Variants in GPC5 observed in about 807,000 individuals in gnomAD.
The protein encoded by GPC5 is glypican 5.
In GPC5, 47 loss-of-function variants were observed where a neutral mutation model predicts 53.9. The ratio of observed to expected loss-of-function variants is 0.87; its 90% CI spans 0.69 to 1.11. GPC5 has a LOEUF of 1.11. Ranked by LOEUF, GPC5 falls within the 50% of genes most tolerant of loss-of-function variation. The pLI is 0.00. For synonymous variants in GPC5, 286 were observed against 263.3 expected (o/e 1.09, Z -0.84); for missense variants, 748 against 713.1 (o/e 1.05, Z -0.56).
chr13:92,008,474 T>C (rs998791483), intron 6 of GPC5, among the ~76,000 whole-genome samples: 1 of 151,048 alleles, frequency 6.6e-6, no homozygotes, highest in Non-Finnish European at 1.5e-5. Flanking sequence ...AGCATCTCTT[T>C]ATGGGTTTTT....
chr13:92,042,101 G>A (rs1032813081), intron 6 of GPC5, among the ~76,000 whole-genome samples: 2 of 152,132 alleles, frequency 1.3e-5, no homozygotes, highest in Non-Finnish European at 2.9e-5. Context: ...AGTCCTGATG[G>A]CGCCTCCCCT....
At chr13:92,247,851 A>G (rs1199604681) in intron 7 of GPC5, among the ~76,000 whole-genome samples, 4 of 152,152 alleles carry the variant, frequency 2.6e-5, no homozygotes, top group African/African-American at 9.6e-5. Context: ...AACAATATGG[A>G]AGCAGCATTG....
chr13:92,026,709 T>C (rs2040803773), intron 6 of GPC5, among the ~76,000 whole-genome samples: 1 of 152,106 alleles, frequency 6.6e-6, no homozygotes, highest in Admixed American at 6.6e-5. Context: ...CTTATCAGGA[T>C]TAATGAAAAA....
chr13:92,155,623 T>TA (rs1402079451), intron 7 of GPC5, among the ~76,000 whole-genome samples: 1 of 152,192 alleles, frequency 6.6e-6, no homozygotes, highest in East Asian at 1.9e-4. Flanking sequence ...TTTTTGATCT[T>TA]CGCTCAAATT....
At chr13:91,961,886 A>G (rs1214285990) in intron 6 of GPC5, among the ~76,000 whole-genome samples, 1 of 152,096 alleles carries the variant, frequency 6.6e-6, no homozygotes, top group Admixed American at 6.6e-5. Flanking sequence ...TCTGATATGC[A>G]AGTTATATGC....
intron 6 of GPC5, among the ~76,000 whole-genome samples, chr13:92,104,503 C>T (rs1365325268): frequency 6.6e-6 from 1 of 152,158 alleles, no homozygotes; most frequent in African/African-American, 2.4e-5. Flanking sequence ...TCTCAAGAGG[C>T]TCTCTATGTA....
chr13:92,280,963 G>C (rs939455083), intron 7 of GPC5, among the ~76,000 whole-genome samples: 3 of 152,212 alleles, frequency 2.0e-5, no homozygotes, highest in Non-Finnish European at 4.4e-5. Flanking sequence ...GCCTCACCCA[G>C]GAAGTGCGAG....
chr13:92,562,982 A>G (rs1013306768), intron 7 of GPC5, among the ~76,000 whole-genome samples: 1 of 151,990 alleles, frequency 6.6e-6, no homozygotes, highest in African/African-American at 2.4e-5. Flanking sequence ...CTGATGACCA[A>G]CTCAATAGTA....
At chr13:91,716,428 G>T (rs985563698) in intron 3 of GPC5, among the ~76,000 whole-genome samples, 2 of 152,068 alleles carry the variant, frequency 1.3e-5, no homozygotes, top group Non-Finnish European at 2.9e-5. Context: ...TTGATACTGT[G>T]AATATTTAAA....
chr13:92,348,725 TTC>T (rs1442292062), intron 7 of GPC5, among the ~76,000 whole-genome samples: 1 of 152,126 alleles, frequency 6.6e-6, no homozygotes, highest in African/African-American at 2.4e-5. Flanking sequence ...AGCAAGAATC[TTC>T]TCTGACCCAC....
chr13:92,162,356 C>T (rs1166949318), intron 7 of GPC5, among the ~76,000 whole-genome samples: 1 of 152,016 alleles, frequency 6.6e-6, no homozygotes, highest in Non-Finnish European at 1.5e-5. Context: ...TGCTAGTCAC[C>T]ATACAGATTT....
intron 5 of GPC5, among the ~76,000 whole-genome samples, chr13:91,823,104 G>C (rs1237606730): frequency 6.6e-6 from 1 of 152,070 alleles, no homozygotes; most frequent in Non-Finnish European, 1.5e-5. Flanking sequence ...GAAGGAAAAG[G>C]TTGAACCAAT....
intron 5 of GPC5, among the ~76,000 whole-genome samples, chr13:91,881,369 C>T (rs191479042): frequency 4.6e-5 from 7 of 151,504 alleles, no homozygotes; most frequent in Admixed American, 4.6e-4. Flanking sequence ...GATATATTAC[C>T]CATTACATTA....
chr13:92,059,590 G>A (rs2041105481), intron 6 of GPC5, among the ~76,000 whole-genome samples: 2 of 151,496 alleles, frequency 1.3e-5, no homozygotes, highest in African/African-American at 4.9e-5. Context: ...ATCTTTCCAT[G>A]TCAATACCTG....
chr13:91,959,071 C>CACAT lies in GPC5; in HGVS notation c.1401+51017_1401+51018insTACA, dbSNP rs1388400610. On this transcript the variant is annotated intron_variant, in intron 6 of 7. Transcript: ENST00000377067. ...AGAATGGAGACAACACACACACACA[C>CACAT]ACACACACACACACACACACACACA... 1.4e-4 allele frequency among the ~76,000 whole-genome samples: 18 copies of CACAT among 130,752 alleles called. No homozygotes were observed. The East Asian group carries it at 3.6e-3, about 26-fold the overall frequency. The allele number at this position is 130,752 out of a possible 152,430, so 85.8% of individuals were successfully genotyped here.
At chr13:92,045,933 A>G (rs969189396) in intron 6 of GPC5, among the ~76,000 whole-genome samples, 11 of 152,090 alleles carry the variant, frequency 7.2e-5, no homozygotes, top group Admixed American at 5.9e-4. Context: ...AATGCCTGAA[A>G]CCCCGTCTCT....
rs2035822683 is a variant in GPC5 at position 91,693,895 on chromosome 13, C to T, written c.1020+14C>T. Reference sequence around the variant, plus strand: ...TTATTGGAACAGGTAAGTAGGAGCTCCACATTTTCAGTCTGACTTCTTGTA... The same window carrying T: ...TTATTGGAACAGGTAAGTAGGAGCTTCACATTTTCAGTCTGACTTCTTGTA... On this transcript the variant is annotated intron_variant, in intron 3 of 7. Coordinates refer to ENST00000377067, the MANE Select transcript of GPC5 (RefSeq NM_004466.6). The T allele has an allele frequency of 1.9e-6, 3 of 1,557,802 alleles. No homozygotes were observed. Among genetic ancestry groups the T allele is most frequent in the Non-Finnish European group, 2.6e-6 (3 of 1,148,726 alleles).
chr13:92,247,646 G>T (rs1319946370), intron 7 of GPC5, among the ~76,000 whole-genome samples: 1 of 152,066 alleles, frequency 6.6e-6, no homozygotes, highest in Non-Finnish European at 1.5e-5. Context: ...GACTTAAGAT[G>T]GAGTCAAATA....
intron 7 of GPC5, among the ~76,000 whole-genome samples, chr13:92,549,129 TAA>T (rs1328828829): frequency 6.6e-6 from 1 of 152,064 alleles, no homozygotes; most frequent in Non-Finnish European, 1.5e-5. Context: ...ATCAATCAGC[TAA>T]CTATAGGGAC....
Sources: gnomAD v4.1 joint callset for allele counts (sites outside exome capture counted in the v4.1 genomes callset) on GRCh38, gnomAD v4.1.1 for gene constraint, MANE v1.5 for transcripts, NCBI Gene and HGNC (gene_info 2026-07-23, HGNC 2026-07-21) for gene names.